PDCD6IP: variants seen among roughly 807,000 people sequenced by gnomAD.
PDCD6IP encodes programmed cell death 6-interacting protein.
A neutral mutation model predicts 103.7 loss-of-function variants in PDCD6IP; 43 were observed. That is an observed-to-expected ratio of 0.41 (90% confidence interval 0.32 to 0.53). PDCD6IP has a LOEUF of 0.53. Ranked by LOEUF, PDCD6IP falls within the 20% of genes least tolerant of loss-of-function variation. The pLI is 0.16. For synonymous variants in PDCD6IP, 354 were observed against 378.7 expected (o/e 0.93, Z 0.76); for missense variants, 871 against 1,036.7 (o/e 0.84, Z 2.20).
intron 3 of PDCD6IP, among the ~76,000 whole-genome samples, chr3:33,820,768 G>GT (rs1696974415): frequency 2.0e-5 from 3 of 152,274 alleles, no homozygotes; most frequent in African/African-American, 7.2e-5. Context: ...TCCATTGTAT[G>GT]TATATACCAC....
At chr3:33,851,584 G>A (rs1697715266) in intron 12 of PDCD6IP, among the ~76,000 whole-genome samples, 1 of 152,010 alleles carries the variant, frequency 6.6e-6, no homozygotes, top group Non-Finnish European at 1.5e-5. Flanking sequence ...CAATTCTCCT[G>A]CCTCAGCCTT....
chr3:33,812,197 T>C, intron 2 of PDCD6IP, 71 bp downstream of exon 2: 1 of 1,534,890 alleles, frequency 6.5e-7, no homozygotes, highest in Non-Finnish European at 8.8e-7. Context: ...ATCTTCACTG[T>C]CTTTAGAGTT....
chr3:33,841,742 C>G (rs1697480020), intron 9 of PDCD6IP, among the ~76,000 whole-genome samples, 155 bp from the exon 10 acceptor site: 2 of 152,242 alleles, frequency 1.3e-5, no homozygotes, highest in East Asian at 3.9e-4. Context: ...CCGGCCTTTG[C>G]TTTGCTTTTA....
At chr3:33,823,888 T>C (rs911712051) in intron 4 of PDCD6IP, among the ~76,000 whole-genome samples, 3 of 152,186 alleles carry the variant, frequency 2.0e-5, no homozygotes, top group African/African-American at 7.2e-5. Flanking sequence ...AGAAAGGTCA[T>C]TCTGAATTAT....
intron 5 of PDCD6IP, among the ~76,000 whole-genome samples, chr3:33,825,609 C>T (rs988986486): frequency 2.0e-5 from 3 of 152,158 alleles, no homozygotes; most frequent in Non-Finnish European, 2.9e-5. Flanking sequence ...ATGTTTTTAA[C>T]ATGTCAGACA....
At chr3:33,840,554 G>C (rs1386403808) in intron 9 of PDCD6IP, among the ~76,000 whole-genome samples, 1 of 152,216 alleles carries the variant, frequency 6.6e-6, no homozygotes, top group African/African-American at 2.4e-5. Flanking sequence ...GTTTACTCTA[G>C]CATATGATAA....
Position 33,855,168 on chromosome 3 carries a change from T to G in PDCD6IP, c.2028T>G (p.Phe676Leu). The stretch of plus-strand genomic sequence containing the variant: ...TTGTATTTGTTCTTTGCTTATAGTT[T>G]TACAATGAGTTGACTGAAATCCTGG... ...LVANLKEGTKFYNELTEILVR... is the reference protein window; with the variant it reads ...LVANLKEGTKLYNELTEILVR... Residue 676 changes from phenylalanine (F) to leucine (L), a missense_variant and splice_region_variant, in exon 15 of 18, where the codon TTT becomes TTG. Physicochemically the swap from Phe to Leu is conservative, Grantham distance 22 (BLOSUM62 0). Coordinates refer to ENST00000307296, the MANE Select transcript of PDCD6IP (RefSeq NM_013374.6). The G allele has an allele frequency of 1.3e-6, 2 of 1,595,932 alleles. No homozygotes were observed. The highest frequency in any genetic ancestry group is 1.7e-6 in the Non-Finnish European group (2 of 1,163,912).
chr3:33,818,253 A>G (rs1168695493), intron 3 of PDCD6IP, among the ~76,000 whole-genome samples: 1 of 151,110 alleles, frequency 6.6e-6, no homozygotes, highest in Non-Finnish European at 1.5e-5. Context: ...GATTACAAGC[A>G]TGCACCACCA....
intron 3 of PDCD6IP, among the ~76,000 whole-genome samples, chr3:33,816,474 C>T (rs1696853346): frequency 7.1e-6 from 1 of 140,986 alleles, no homozygotes; most frequent in Non-Finnish European, 1.5e-5. Context: ...CATTGCACTC[C>T]AGCCTGGGTG....
At chr3:33,806,558 A>G (rs752421565) in intron 1 of PDCD6IP, among the ~76,000 whole-genome samples, 5 of 152,226 alleles carry the variant, frequency 3.3e-5, no homozygotes, top group East Asian at 1.9e-4. Flanking sequence ...ATTTTCCACA[A>G]TGTGCTAGTT....
At chr3:33,810,362 C>A (rs1439141910) in intron 1 of PDCD6IP, among the ~76,000 whole-genome samples, 2 of 152,144 alleles carry the variant, frequency 1.3e-5, no homozygotes, top group South Asian at 2.1e-4. Flanking sequence ...ACCTCCTGTG[C>A]CCTTTTGACA....
chr3:33,865,345 G>A lies in PDCD6IP; in HGVS notation c.2347G>A (p.Ala783Thr). The A allele has an allele frequency of 2.5e-6, 4 of 1,601,054 alleles. No homozygotes were observed. The highest frequency in any genetic ancestry group is 1.7e-5 in the Admixed American group (1 of 58,150). Residue 783 changes from alanine to threonine, a missense_variant, in exon 17 of 18, where the codon GCG becomes ACG. This residue lies in a region of PDCD6IP where 202 missense variants were observed against 205.2 expected (regional missense o/e 0.98). Transcript: ENST00000307296. ...ATCTCCAGTGGGGGCTGGGACTGCT[G>A]CGCCAGCTCCATCACAAACGCCTGG... ...APSPVGAGTA[A>T]PAPSQTPGSA...
At chr3:33,821,511 A>G (rs1295982636) in intron 3 of PDCD6IP, among the ~76,000 whole-genome samples, 9 of 152,088 alleles carry the variant, frequency 5.9e-5, no homozygotes, top group African/African-American at 2.2e-4. Context: ...GAGGGAGTAA[A>G]GCATAAGGCC....
At position 33,867,886 on chromosome 3, in the gene PDCD6IP, C is replaced by G. The variant is rs1424748104; in HGVS notation, c.*1361C>G. ...TTGTTTCATTTTAATGATAGTGTTA[C>G]TTGTCCCACTGTTGTTTTCATTGAG... On this transcript the variant is annotated 3_prime_UTR_variant, in exon 18 of 18. Transcript: ENST00000307296. 4 of 152,244 alleles carry G rather than the reference C, an allele frequency of 2.6e-5. No individual in the cohort carries two copies. Among genetic ancestry groups the G allele is most frequent in the African/African-American group, 9.6e-5 (4 of 41,556 alleles). 9.4% of individuals were successfully genotyped at this position (152,244 alleles called of 1,614,324 possible).
Position 33,838,293 on chromosome 3 carries a change from G to T in PDCD6IP, c.1147G>T (p.Ala383Ser), listed in dbSNP as rs1697395545. The T allele has an allele frequency of 6.2e-7, 1 of 1,613,346 alleles. No homozygotes were observed. Among genetic ancestry groups the T allele is most frequent in the Non-Finnish European group, 8.5e-7 (1 of 1,179,296 alleles). ...RKADLVNRSI[A>S]QMREATTLAN... ...AGCCGATTTGGTTAACAGATCAATT[G>T]CTCAGATGAGAGAAGCCACCACTTT... The change falls in exon 9 of 18, where the codon GCT (alanine) becomes TCT (serine). Residue 383 changes from alanine to serine, a missense_variant. Transcript: ENST00000307296.
At chr3:33,865,609 A>G (rs1453296962) in intron 17 of PDCD6IP, among the ~76,000 whole-genome samples, 179 bp downstream of exon 17, 5 of 152,196 alleles carry the variant, frequency 3.3e-5, no homozygotes, top group African/African-American at 1.2e-4. Context: ...TAGGATAGCT[A>G]TTTCCTAGGC....
intron 13 of PDCD6IP, among the ~76,000 whole-genome samples, chr3:33,853,067 G>A (rs922736675): frequency 6.6e-6 from 1 of 151,992 alleles, no homozygotes; most frequent in African/African-American, 2.4e-5. Flanking sequence ...GGGACTATAG[G>A]CGCCCGCCAC....
At chr3:33,808,991 T>A (rs1195902513) in intron 1 of PDCD6IP, among the ~76,000 whole-genome samples, 1 of 152,236 alleles carries the variant, frequency 6.6e-6, no homozygotes, top group African/African-American at 2.4e-5. Context: ...TTCTCAGATA[T>A]CTGCTTGGCT....
intron 5 of PDCD6IP, 144 bp downstream of exon 5, chr3:33,825,484 C>CT: frequency 1.5e-6 from 1 of 655,450 alleles, no homozygotes. Context: ...TTCAGCTATC[C>CT]TTTTCTGAAT....
Sources: gnomAD v4.1 joint callset for allele counts (sites outside exome capture counted in the v4.1 genomes callset) on GRCh38, gnomAD v4.1.1 for gene constraint, gnomAD v4.1.1 regional missense constraint, MANE v1.5 for transcripts, NCBI Gene and HGNC (gene_info 2026-07-23, HGNC 2026-07-21) for gene names.